CNOT1: variants seen among roughly 807,000 people sequenced by gnomAD.
The protein encoded by CNOT1 is CCR4-NOT transcription complex subunit 1, also known as CCR4-associated factor 1.
A neutral mutation model predicts 273.8 loss-of-function variants in CNOT1; 15 were observed. The ratio of observed to expected loss-of-function variants is 0.05; its 90% CI spans 0.04 to 0.08. The LOEUF is 0.08. Among genes scored for constraint, CNOT1 ranks in the 10% least tolerant of loss-of-function variants. The pLI is 1.00. For synonymous variants in CNOT1, 1,022 were observed against 1,005.5 expected (o/e 1.02, Z -0.31); for missense variants, 1,644 against 2,912.2 (o/e 0.56, Z 10.02).
intron 34 of CNOT1, among the ~76,000 whole-genome samples, chr16:58,541,240 C>T (rs941869126): frequency 6.6e-6 from 1 of 151,808 alleles, no homozygotes; most frequent in Non-Finnish European, 1.5e-5. Flanking sequence ...AATAAAAAAC[C>T]GAAAGTTATT....
At chr16:58,627,961 G>A (rs2043654032) in intron 1 of CNOT1, among the ~76,000 whole-genome samples, 1 of 152,112 alleles carries the variant, frequency 6.6e-6, no homozygotes, top group South Asian at 2.1e-4. Context: ...CCAAGTAGCT[G>A]GGATTACAGG....
intron 31 of CNOT1, 101 bp from the exon 32 acceptor site, chr16:58,542,669 AAATGCATT>A: frequency 1.3e-6 from 2 of 1,487,096 alleles, no homozygotes; most frequent in Non-Finnish European, 1.8e-6. Flanking sequence ...TGCATTTGGC[AAATGCATT>A]TTAAGTTCTG....
At chr16:58,567,682 T>G (rs1043699198) in intron 16 of CNOT1, among the ~76,000 whole-genome samples, 32 of 152,074 alleles carry the variant, frequency 2.1e-4, no homozygotes, top group African/African-American at 7.7e-4. Flanking sequence ...ACCAAAGGCT[T>G]ATAACAAGTG....
chr16:58,580,968 C>G (rs1050210897), intron 11 of CNOT1, among the ~76,000 whole-genome samples: 1 of 151,898 alleles, frequency 6.6e-6, no homozygotes, highest in African/African-American at 2.4e-5. Context: ...TCAATCATAA[C>G]AACTGTTAAA....
chr16:58,539,647 A>G, intron 35 of CNOT1, 121 bp downstream of exon 35: 1 of 1,040,166 alleles, frequency 9.6e-7, no homozygotes, highest in Non-Finnish European at 1.3e-6. Flanking sequence ...TCACCTACTT[A>G]CAGAACTTGA....
intron 14 of CNOT1, 83 bp downstream of exon 14, chr16:58,576,380 G>C (rs774349143): frequency 5.1e-6 from 8 of 1,580,456 alleles, no homozygotes; most frequent in Non-Finnish European, 6.9e-6. Flanking sequence ...CAAAGTGCTG[G>C]GATTACAGGC....
intron 1 of CNOT1, among the ~76,000 whole-genome samples, chr16:58,622,472 A>T (rs1403237430): frequency 1.3e-5 from 2 of 152,040 alleles, no homozygotes; most frequent in Non-Finnish European, 2.9e-5. Flanking sequence ...AAAATCAATT[A>T]AGAAAAAAAC....
intron 1 of CNOT1, among the ~76,000 whole-genome samples, chr16:58,602,560 A>AC (rs1319035888): frequency 6.5e-5 from 9 of 139,476 alleles, no homozygotes; most frequent in Admixed American, 1.8e-4. Context: ...CTCCAAAAAA[A>AC]AAAAAAAAAA....
rs1197386529 is a variant in CNOT1 at position 58,615,018 on chromosome 16, G to A, written c.-175+14710C>T. Among the ~76,000 whole-genome samples, 2 of 69,398 alleles carry A rather than the reference G, an allele frequency of 2.9e-5. 1 individual carries two copies. Among genetic ancestry groups the A allele is most frequent in the Non-Finnish European group, 6.3e-5 (2 of 31,680 alleles). 45.5% of individuals were successfully genotyped at this position (69,398 alleles called of 152,430 possible). ...CCACAGCACTGGGCCTGTATCCTTTGCTATTTAAAAAAAAAAAAAAATCAG... is the reference window on the plus strand; with the variant it reads ...CCACAGCACTGGGCCTGTATCCTTTACTATTTAAAAAAAAAAAAAAATCAG... On this transcript the variant is annotated intron_variant, in intron 1 of 48. Transcript: ENST00000317147.
At chr16:58,540,857 A>G (rs989898742) in intron 34 of CNOT1, among the ~76,000 whole-genome samples, 2 of 152,226 alleles carry the variant, frequency 1.3e-5, no homozygotes, top group African/African-American at 4.8e-5. Flanking sequence ...ATTTTTCCCT[A>G]TATTTCCAAG....
chr16:58,610,652 GCTAACACA>G (rs1597594185), intron 1 of CNOT1, among the ~76,000 whole-genome samples: 1 of 151,962 alleles, frequency 6.6e-6, no homozygotes, highest in East Asian at 1.9e-4. Flanking sequence ...AACCATCCTG[GCTAACACA>G]GTGAAACCCT....
chr16:58,549,619 T>C (rs2040389123), intron 25 of CNOT1, 100 bp downstream of exon 25: 2 of 1,460,820 alleles, frequency 1.4e-6, no homozygotes, highest in Non-Finnish European at 1.8e-6. Context: ...TACCTAATAT[T>C]GACAATATAT....
intron 3 of CNOT1, among the ~76,000 whole-genome samples, chr16:58,588,091 G>T (rs1342273089): frequency 1.3e-5 from 2 of 152,162 alleles, no homozygotes; most frequent in Non-Finnish European, 2.9e-5. Flanking sequence ...CTGAGGCCAG[G>T]AGTTCAACAC....
chr16:58,530,491 C>G, intron 42 of CNOT1, 144 bp from the exon 43 acceptor site: 3 of 539,474 alleles, frequency 5.6e-6, no homozygotes. Context: ...TACAAAAGAT[C>G]GGCATTAAAG....
rs1406602456 is a variant in CNOT1, at chr16:58,523,508, A to C, written c.6785-6T>G. On this transcript the variant is annotated splice_region_variant and splice_polypyrimidine_tract_variant and intron_variant, in intron 46 of 48. Transcript: ENST00000317147. ...ATTCAAAAAGAGATAGCGACCTAGA[A>C]ATTAAGAAACCTTGACTTAGGACTT... The C allele has an allele frequency of 6.2e-7, 1 of 1,613,646 alleles. No individual in the cohort carries two copies. The highest frequency in any genetic ancestry group is 1.3e-5 in the African/African-American group (1 of 74,880).
In CNOT1 at chr16:58,545,399, G is replaced by C; in HGVS notation, c.4099C>G (p.Leu1367Val). ...YSYHDINVYS[L>V]AGLAPHITLN... The stretch of plus-strand genomic sequence containing the variant: ...GTAATGTGTGGTGCCAAGCCCGCAA[G>C]GGAATAGACATTGATGTCGTGGTAG... Residue 1367 changes from leucine to valine, a missense_variant, in exon 30 of 49, where the codon CTT (leucine) becomes GTT (valine). Physicochemically the swap from Leu to Val is conservative, Grantham distance 32. Transcript: ENST00000317147. 6.2e-7 allele frequency: 1 copy of C among 1,614,086 alleles called. No individual in the cohort carries two copies. Among genetic ancestry groups the C allele is most frequent in the Non-Finnish European group, 8.5e-7 (1 of 1,179,920 alleles).
At chr16:58,551,493 A>T in intron 23 of CNOT1, 96 bp downstream of exon 23, 1 of 1,360,358 alleles carries the variant, frequency 7.4e-7, no homozygotes, top group Non-Finnish European at 1.0e-6. Flanking sequence ...CTTTTTTAGT[A>T]GGCATGTGTT....
intron 2 of CNOT1, among the ~76,000 whole-genome samples, chr16:58,598,110 A>G (rs1193167957): frequency 6.6e-6 from 1 of 151,396 alleles, no homozygotes; most frequent in African/African-American, 2.4e-5. Flanking sequence ...CTAAAAATAA[A>G]AAAATTTGCC....
intron 46 of CNOT1, 48 bp from the exon 47 acceptor site, chr16:58,523,550 A>G (rs1017924222): frequency 1.3e-6 from 2 of 1,593,500 alleles, no homozygotes; most frequent in Non-Finnish European, 1.7e-6. Flanking sequence ...AAAGGCCAAC[A>G]TGGGAAGACA....
Sources: gnomAD v4.1 joint callset for allele counts (sites outside exome capture counted in the v4.1 genomes callset) on GRCh38, gnomAD v4.1.1 for gene constraint, MANE v1.5 for transcripts, NCBI Gene and HGNC (gene_info 2026-07-23, HGNC 2026-07-21) for gene names.